DHX40: variants seen among roughly 807,000 people sequenced by gnomAD.
DHX40 encodes DEAH-box helicase 40.
In DHX40, 28 loss-of-function variants were observed where a neutral mutation model predicts 89.6. The ratio of observed to expected loss-of-function variants is 0.31; its 90% CI spans 0.23 to 0.43. The LOEUF is 0.43. DHX40 is among the 20% of genes least tolerant of loss of function. The probability of loss-of-function intolerance (pLI) is 1.00; values close to 1 mark genes in which losing one functional copy is unlikely to be tolerated. For missense variants in DHX40, 457 were observed against 844.0 expected (o/e 0.54, Z 5.68); for synonymous variants, 226 against 283.6 (o/e 0.80, Z 2.04).
At chr17:59,570,720 T>C (rs1328419552) in intron 3 of DHX40, 57 bp downstream of exon 3, 6 of 1,541,494 alleles carry the variant, frequency 3.9e-6, no homozygotes, top group East Asian at 4.9e-5. Flanking sequence ...GGTCTTGCTC[T>C]GTCGCCCAGC....
chr17:59,588,375 T>A (rs868363918), intron 12 of DHX40, among the ~76,000 whole-genome samples: 400 of 151,560 alleles, frequency 2.6e-3, no homozygotes, highest in African/African-American at 9.4e-3. Context: ...CATCTTTGAT[T>A]TGTATGACAT....
In DHX40 at chr17:59,570,493, GTTTC is replaced by G. The variant is rs746703154; in HGVS notation, c.281-21_281-18del. 48 of 1,575,626 alleles carry G rather than the reference GTTTC, an allele frequency of 3.0e-5. No individual in the cohort carries two copies. In the South Asian group the frequency reaches 5.6e-4, roughly 18 times the overall value. On this transcript the variant is annotated intron_variant, in intron 2 of 17. Coordinates refer to ENST00000251241, the MANE Select transcript of DHX40 (RefSeq NM_024612.5). Reference sequence around the variant, plus strand: ...GGAAGACAATTGCTAACATTGTTGTGTTTCTTTATCTCTGGTTTTGATAGGGTTT... The same window carrying G: ...GGAAGACAATTGCTAACATTGTTGTGTTTATCTCTGGTTTTGATAGGGTTT...
chr17:59,608,273 A>G lies in DHX40; in HGVS notation c.*1101A>G, dbSNP rs779739962. On this transcript the variant is annotated 3_prime_UTR_variant, in exon 18 of 18. Transcript: ENST00000251241. ...TCATCTTTGTATCTTTCATGCACCT[A>G]GCATAGTGCTTTGCACATAGTAGTC... 1 of 152,680 alleles carries G rather than the reference A, an allele frequency of 6.5e-6. No individual in the cohort carries two copies. Among genetic ancestry groups the G allele is most frequent in the Non-Finnish European group, 1.5e-5 (1 of 68,036 alleles). 9.5% of individuals were successfully genotyped at this position (152,680 alleles called of 1,614,324 possible).
At chr17:59,577,165 G>A (rs748342903) in intron 7 of DHX40, 101 bp from the exon 8 acceptor site, 26 of 997,524 alleles carry the variant, frequency 2.6e-5, no homozygotes, top group Non-Finnish European at 3.6e-5. Flanking sequence ...CACCACGCCC[G>A]GCCTAGAAAC....
At chr17:59,586,713 T>A (rs1361776546) in intron 11 of DHX40, among the ~76,000 whole-genome samples, 1 of 152,012 alleles carries the variant, frequency 6.6e-6, no homozygotes, top group African/African-American at 2.4e-5. Flanking sequence ...TCCCTTTTGT[T>A]TAATAAATAT....
intron 2 of DHX40, among the ~76,000 whole-genome samples, chr17:59,568,844 A>G (rs968200843): frequency 2.7e-5 from 4 of 149,736 alleles, no homozygotes; most frequent in Admixed American, 6.7e-5. Flanking sequence ...GTGCATATAT[A>G]TATATATATA....
rs753557899 is a variant in DHX40 at position 59,602,590 on chromosome 17, G to T, written c.1875G>T (p.Ala625=). 1 of 1,613,576 alleles carries T rather than the reference G, an allele frequency of 6.2e-7. No individual in the cohort carries two copies. Among genetic ancestry groups the T allele is most frequent in the Non-Finnish European group, 8.5e-7 (1 of 1,179,700 alleles). The change falls in exon 15 of 18, where the codon GCG becomes GCT. Residue 625 remains alanine, a synonymous_variant. Transcript: ENST00000251241. The part of the protein sequence containing the change: ...KHEVLRRCLC[A]GYFKNVARRS... Reference sequence around the variant, plus strand: ...AAGTACTACGAAGATGTCTTTGTGCGGGCTATTTCAAAAATGTAGCTCGAA... The same window carrying T: ...AAGTACTACGAAGATGTCTTTGTGCTGGCTATTTCAAAAATGTAGCTCGAA...
At chr17:59,570,804 C>A in intron 3 of DHX40, 141 bp downstream of exon 3, 2 of 751,070 alleles carry the variant, frequency 2.7e-6, no homozygotes, top group Non-Finnish European at 3.9e-6. Flanking sequence ...TACCTCAGCC[C>A]CTTGGGTAGC....
intron 10 of DHX40, among the ~76,000 whole-genome samples, chr17:59,581,634 CTG>C (rs1353435264): frequency 1.6e-5 from 1 of 62,916 alleles, no homozygotes; most frequent in Non-Finnish European, 2.6e-5. Flanking sequence ...TGGTGCTCGT[CTG>C]TGATCCCAGC....
At position 59,607,284 on chromosome 17, in the gene DHX40, T is replaced by C. The variant is rs2030928877; in HGVS notation, c.*112T>C. Reference sequence around the variant, plus strand: ...AGAGGAGGTGGTCAGCACTTGTTATTGGCCTATGAACTAAAAGCAAATCAA... The same window carrying C: ...AGAGGAGGTGGTCAGCACTTGTTATCGGCCTATGAACTAAAAGCAAATCAA... On this transcript the variant is annotated 3_prime_UTR_variant, in exon 18 of 18. Transcript: ENST00000251241. 4 of 1,601,860 alleles carry C rather than the reference T, an allele frequency of 2.5e-6. No homozygotes were observed. The highest frequency in any genetic ancestry group is 1.3e-5 in the African/African-American group (1 of 74,726).
At chr17:59,597,762 C>T (rs1363136651) in intron 12 of DHX40, among the ~76,000 whole-genome samples, 2 of 149,824 alleles carry the variant, frequency 1.3e-5, no homozygotes, top group African/African-American at 2.4e-5. Context: ...TGTGAAACCC[C>T]GTCTCTACTA....
chr17:59,577,482 T>G, intron 8 of DHX40, 117 bp downstream of exon 8: 1 of 748,056 alleles, frequency 1.3e-6, no homozygotes, highest in East Asian at 2.7e-5. Flanking sequence ...CTCCTACTTT[T>G]TGATGTTCTT....
At chr17:59,600,259 A>G (rs1411808462) in intron 14 of DHX40, among the ~76,000 whole-genome samples, 1 of 152,114 alleles carries the variant, frequency 6.6e-6, no homozygotes, top group Non-Finnish European at 1.5e-5. Flanking sequence ...GGAAACTGTG[A>G]GTTTAAGCAA....
intron 3 of DHX40, among the ~76,000 whole-genome samples, chr17:59,571,652 G>A (rs920408619): frequency 2.0e-5 from 3 of 150,434 alleles, no homozygotes; most frequent in African/African-American, 4.9e-5. Context: ...GTGCAGTGGC[G>A]CAACCTCCAC....
intron 12 of DHX40, among the ~76,000 whole-genome samples, chr17:59,594,374 T>C (rs993477763): frequency 6.6e-6 from 1 of 151,614 alleles, no homozygotes; most frequent in Non-Finnish European, 1.5e-5. Flanking sequence ...TCTTTGATAA[T>C]CCTTTCCCCA....
At chr17:59,572,394 T>C (rs77883876) in intron 3 of DHX40, among the ~76,000 whole-genome samples, 2,193 of 152,294 alleles carry the variant, frequency 0.014, 27 homozygotes, top group Non-Finnish European at 0.026. Context: ...ACATTTTTAT[T>C]TGGAGATAGT....
chr17:59,589,063 T>C (rs1197552563), intron 12 of DHX40, among the ~76,000 whole-genome samples: 2 of 152,104 alleles, frequency 1.3e-5, no homozygotes, highest in African/African-American at 4.8e-5. Context: ...CTTCCACCAA[T>C]ACCACACTGT....
At position 59,608,236 on chromosome 17, in the gene DHX40, CTG is replaced by C. The variant is rs1374021073; in HGVS notation, c.*1068_*1069del. 2 of 152,866 alleles carry C rather than the reference CTG, an allele frequency of 1.3e-5. No homozygotes were observed. The highest frequency in any genetic ancestry group is 2.9e-5 in the Non-Finnish European group (2 of 68,060). The allele number at this position is 152,866 out of a possible 1,614,324, so 9.5% of individuals were successfully genotyped here. ...ATTATACGCTCCTTGTGGGCAGGGACTGTGTCTTTTTTCATCTTTGTATCTTT... is the reference window on the plus strand; with the variant it reads ...ATTATACGCTCCTTGTGGGCAGGGACTGTCTTTTTTCATCTTTGTATCTTT... On this transcript the variant is annotated 3_prime_UTR_variant, in exon 18 of 18. Transcript: ENST00000251241.
rs765865210 is a variant in DHX40 at position 59,566,798 on chromosome 17, A to AT, written c.280+11dup. On this transcript the variant is annotated splice_donor_region_variant and intron_variant, in intron 2 of 17. Coordinates refer to ENST00000251241, the MANE Select transcript of DHX40 (RefSeq NM_024612.5). ...CCAAAATATCTATATGAAGCAGGTG[A>AT]TTTTTTTCTGTTGTAATAATTGGAA... is the stretch of plus-strand genomic sequence containing the variant. The AT allele has an allele frequency of 1.9e-5, 29 of 1,560,382 alleles. No individual in the cohort carries two copies. Among genetic ancestry groups the AT allele is most frequent in the South Asian group, 3.7e-5 (3 of 81,858 alleles).
Sources: allele counts gnomAD v4.1 joint callset (sites outside exome capture counted in the v4.1 genomes callset), GRCh38; gene constraint gnomAD v4.1.1; transcripts MANE v1.5; gene names NCBI Gene and HGNC (gene_info 2026-07-23, HGNC 2026-07-21).